MRPS21: variants seen among roughly 807,000 people sequenced by gnomAD.
The protein encoded by MRPS21 is small ribosomal subunit protein bS21m.
A neutral mutation model predicts 9.9 loss-of-function variants in MRPS21; 8 were observed. That is an observed-to-expected ratio of 0.81 (90% CI 0.47 to 1.45). The LOEUF is 1.45. Ranked by LOEUF, MRPS21 falls within the 40% of genes most tolerant of loss-of-function variation. MRPS21 has a pLI of 0.00. For synonymous variants in MRPS21, 40 were observed against 40.3 expected, an observed-to-expected ratio of 0.99 and a Z score of 0.03; for missense variants, 101 against 118.9, an observed-to-expected ratio of 0.85 and a Z score of 0.70.
Position 150,307,733 on chromosome 1 carries a change from G to A in MRPS21, c.84-315G>A, listed in dbSNP as rs983798979. 2.1e-4 allele frequency among the ~76,000 whole-genome samples: 32 copies of A among 151,896 alleles called. 1 individual carries two copies. Among genetic ancestry groups the A allele is most frequent in the African/African-American group, 7.7e-4 (32 of 41,340 alleles). ...CGCTAGCACTACAGACACATATTACGAAGCCTGGCTAATTATTTTTATTTT... is the reference window on the plus strand; with the variant it reads ...CGCTAGCACTACAGACACATATTACAAAGCCTGGCTAATTATTTTTATTTT... On this transcript the variant is annotated intron_variant, in intron 2 of 2. Coordinates refer to ENST00000614145, the MANE Select transcript of MRPS21 (RefSeq NM_031901.6).
chr1:150,297,249 C>T (rs1653947560), intron 2 of MRPS21, among the ~76,000 whole-genome samples: 2 of 151,022 alleles, frequency 1.3e-5, no homozygotes, highest in South Asian at 4.2e-4. Context: ...CGAGAGCGTG[C>T]CACTACACTC....
intron 2 of MRPS21, among the ~76,000 whole-genome samples, chr1:150,301,623 T>TA (rs1654135915): frequency 3.1e-4 from 1 of 3,252 alleles, no homozygotes; most frequent in Non-Finnish European, 5.7e-4. Context: ...CTTTTTCCTT[T>TA]CTTTTTTTTT....
chr1:150,296,904 G>A (rs187359228), intron 2 of MRPS21, among the ~76,000 whole-genome samples: 6 of 152,224 alleles, frequency 3.9e-5, no homozygotes, highest in African/African-American at 1.2e-4. Flanking sequence ...GGGTTCTTGA[G>A]GACTGAGAGG....
At chr1:150,306,674 T>C (rs947329622) in intron 2 of MRPS21, among the ~76,000 whole-genome samples, 15 of 152,298 alleles carry the variant, frequency 9.8e-5, no homozygotes, top group South Asian at 8.3e-4. Flanking sequence ...TTTGTATTTT[T>C]AGTAGAGACA....
intron 2 of MRPS21, chr1:150,301,302 T>C (rs1197131153): frequency 6.6e-5 from 18 of 273,128 alleles, no homozygotes; most frequent in Non-Finnish European, 1.0e-4. Flanking sequence ...GCCATTGCAC[T>C]CCAACCTGGG....
At chr1:150,303,224 T>A (rs1265384316) in intron 2 of MRPS21, among the ~76,000 whole-genome samples, 2 of 152,234 alleles carry the variant, frequency 1.3e-5, no homozygotes, top group African/African-American at 4.8e-5. Context: ...AGGTCATATT[T>A]ACTCAGGGTC....
chr1:150,307,074 C>G (rs1654360551), intron 2 of MRPS21, among the ~76,000 whole-genome samples: 1 of 145,196 alleles, frequency 6.9e-6, no homozygotes, highest in South Asian at 2.2e-4. Flanking sequence ...AGACAAGAGT[C>G]TCACTCTGTT....
chr1:150,300,542 G>C (rs587760108), intron 2 of MRPS21, among the ~76,000 whole-genome samples: 1 of 152,310 alleles, frequency 6.6e-6, no homozygotes, highest in East Asian at 1.9e-4. Flanking sequence ...GTTAACAGCA[G>C]AGGAGAGTGA....
chr1:150,300,721 T>G (rs1313612778), intron 2 of MRPS21, among the ~76,000 whole-genome samples: 1 of 152,192 alleles, frequency 6.6e-6, no homozygotes. Context: ...TGCATCAAAT[T>G]TGTCCAGAAA....
chr1:150,298,313 C>T (rs1441109244), intron 2 of MRPS21, among the ~76,000 whole-genome samples: 1 of 152,204 alleles, frequency 6.6e-6, no homozygotes, highest in Admixed American at 6.5e-5. Context: ...TGGGAAAAGG[C>T]ATGTATTACG....
chr1:150,298,676 A>G lies in MRPS21; in HGVS notation c.83+4227A>G, dbSNP rs7556388. Among the ~76,000 whole-genome samples, 1,157 of 152,268 alleles carry G rather than the reference A, an allele frequency of 7.6e-3. 6 individuals are homozygous for G. The highest frequency in any genetic ancestry group is 0.012 in the Non-Finnish European group (849 of 68,004). On this transcript the variant is annotated intron_variant, in intron 2 of 2. Transcript: ENST00000614145. ...GAGCGCAGTGGCGCAATCTCTGCTC[A>G]CTGTGACCTCCGCCTCCCGAGTTCA...
intron 2 of MRPS21, among the ~76,000 whole-genome samples, chr1:150,300,759 A>G (rs1161231011): frequency 2.0e-5 from 3 of 152,168 alleles, no homozygotes; most frequent in African/African-American, 7.2e-5. Context: ...TCTGTTAATT[A>G]CCCTGGTTAA....
At chr1:150,304,688 G>T (rs1654260249) in intron 2 of MRPS21, 2 of 206,000 alleles carry the variant, frequency 9.7e-6, no homozygotes, top group South Asian at 1.1e-4. Context: ...CTGGGAGGCG[G>T]AGGTTGCAGT....
intron 2 of MRPS21, among the ~76,000 whole-genome samples, chr1:150,306,375 A>G (rs192859560): frequency 1.1e-4 from 16 of 151,094 alleles, no homozygotes; most frequent in African/African-American, 3.7e-4. Context: ...CCCCGAGTTC[A>G]AGGGATTCTC....
chr1:150,308,159 C>G lies in MRPS21; in HGVS notation c.195C>G (p.Asn65Lys). 1.9e-6 allele frequency: 3 copies of G among 1,609,696 alleles called. No homozygotes were observed. The highest frequency in any genetic ancestry group is 2.6e-6 in the Non-Finnish European group (3 of 1,176,236). ...ATGAAAGGTGCCGGCGGATCTACAACATGGAAATGGCTCGCAAGATCAACT... is the reference window on the plus strand; with the variant it reads ...ATGAAAGGTGCCGGCGGATCTACAAGATGGAAATGGCTCGCAAGATCAACT... ...ESYERCRRIYNMEMARKINFL... is the reference protein window; with the variant it reads ...ESYERCRRIYKMEMARKINFL... The change falls in exon 3 of 3, where the codon AAC becomes AAG. Residue 65 changes from asparagine (N) to lysine (K), a missense_variant. Coordinates refer to ENST00000614145, the MANE Select transcript of MRPS21 (RefSeq NM_031901.6).
rs587741608 is a variant in MRPS21, at chr1:150,307,611, C to T, written c.84-437C>T. ...TTCTTTTTTGAGACAGGGTCTTATT[C>T]TGTCACCCAGGCTGGAGTACACTGG... On this transcript the variant is annotated intron_variant, in intron 2 of 2. Transcript: ENST00000614145. 4.5e-4 allele frequency among the ~76,000 whole-genome samples: 68 copies of T among 152,130 alleles called. 2 individuals are homozygous for T. The highest frequency in any genetic ancestry group is 1.5e-5 in the Non-Finnish European group (1 of 67,994).
At chr1:150,306,201 T>C (rs1283715894) in intron 2 of MRPS21, among the ~76,000 whole-genome samples, 2 of 152,214 alleles carry the variant, frequency 1.3e-5, no homozygotes, top group Non-Finnish European at 2.9e-5. Flanking sequence ...TATTCACATT[T>C]CAGATGAGTT....
At position 150,297,340 on chromosome 1, in the gene MRPS21, G is replaced by A. The variant is rs1182563193; in HGVS notation, c.83+2891G>A. On this transcript the variant is annotated intron_variant, in intron 2 of 2. Transcript: ENST00000614145. ...TCAGAAGCTGTGTAAATGAGAAGCA[G>A]TTGCAGGCTCAGAATGGTTTCTATG... Among the ~76,000 whole-genome samples the A allele has an allele frequency of 3.3e-5, 5 of 150,806 alleles. No homozygotes were observed. The East Asian group carries it at 9.8e-4, about 30-fold the overall frequency.
At chr1:150,295,499 G>C (rs1265402158) in intron 2 of MRPS21, among the ~76,000 whole-genome samples, 3 of 152,148 alleles carry the variant, frequency 2.0e-5, no homozygotes, top group African/African-American at 7.2e-5. Context: ...ACTTAAAAAA[G>C]AGCCCAAATG....
Sources: gnomAD v4.1 joint callset for allele counts (sites outside exome capture counted in the v4.1 genomes callset) on GRCh38, gnomAD v4.1.1 for gene constraint, MANE v1.5 for transcripts, NCBI Gene and HGNC (gene_info 2026-07-23, HGNC 2026-07-21) for gene names.